Variants in RNF216 observed in about 807,000 individuals in gnomAD.
RNF216 encodes the protein E3 ubiquitin-protein ligase RNF216.
A neutral mutation model predicts 110.8 loss-of-function variants in RNF216; 72 were observed. That is an observed-to-expected ratio of 0.65 (90% CI 0.54 to 0.79). RNF216 has a LOEUF of 0.79. Among genes scored for constraint, RNF216 ranks in the 30% least tolerant of loss-of-function variants. The probability of loss-of-function intolerance (pLI) is 0.00; values close to 1 mark genes in which losing one functional copy is unlikely to be tolerated. For synonymous variants in RNF216, 495 were observed against 407.5 expected (o/e 1.21, Z -2.59); for missense variants, 1,342 against 1,141.2 (o/e 1.18, Z -2.54).
At chr7:5,655,691 G>A (rs540246420) in intron 13 of RNF216, among the ~76,000 whole-genome samples, 1 of 149,670 alleles carries the variant, frequency 6.7e-6, no homozygotes, top group South Asian at 2.1e-4. Context: ...GCAAACACCA[G>A]GCTGGGGAGT....
chr7:5,635,356 C>T (rs1787336148), intron 15 of RNF216, among the ~76,000 whole-genome samples: 2 of 151,562 alleles, frequency 1.3e-5, no homozygotes, highest in South Asian at 2.1e-4. Context: ...CACGCCAAAG[C>T]CAGCTGTGGA....
At chr7:5,711,492 C>T (rs895741093) in intron 13 of RNF216, among the ~76,000 whole-genome samples, 4 of 152,104 alleles carry the variant, frequency 2.6e-5, no homozygotes, top group African/African-American at 9.7e-5. Flanking sequence ...TAAACACTTC[C>T]CACTTTACAT....
intron 9 of RNF216, among the ~76,000 whole-genome samples, chr7:5,719,996 G>A (rs1174527668): frequency 6.6e-6 from 1 of 152,204 alleles, no homozygotes; most frequent in Non-Finnish European, 1.5e-5. Context: ...AATTTTTACT[G>A]CTTTATCAAA....
At chr7:5,724,884 A>G (rs550829602) in intron 8 of RNF216, among the ~76,000 whole-genome samples, 7 of 152,322 alleles carry the variant, frequency 4.6e-5, no homozygotes, top group African/African-American at 1.4e-4. Flanking sequence ...TATTTCATCA[A>G]TAAGAATGAC....
chr7:5,753,986 C>A (rs867856971), intron 2 of RNF216, among the ~76,000 whole-genome samples: 18 of 151,990 alleles, frequency 1.2e-4, no homozygotes, highest in Middle Eastern at 3.4e-3. Context: ...CAGAGTGAGA[C>A]CCCATCTCAA....
chr7:5,634,587 G>A (rs1405472528), intron 15 of RNF216, among the ~76,000 whole-genome samples: 1 of 152,168 alleles, frequency 6.6e-6, no homozygotes, highest in Non-Finnish European at 1.5e-5. Flanking sequence ...CTGGGGAGGA[G>A]CAGAGACTTC....
intron 3 of RNF216, among the ~76,000 whole-genome samples, chr7:5,746,264 G>A (rs1795024169): frequency 1.3e-5 from 2 of 152,172 alleles, no homozygotes; most frequent in East Asian, 3.9e-4. Flanking sequence ...AGTACCTAGG[G>A]TTAATCTGGG....
Position 5,715,049 on chromosome 7 carries a change from T to C in RNF216, c.1833+4A>G. ...ATACATGGGACATATTACACAGTTCTTACCTTTCCAGATCCAAAGACTGCC... is the reference window on the plus strand; with the variant it reads ...ATACATGGGACATATTACACAGTTCCTACCTTTCCAGATCCAAAGACTGCC... On this transcript the variant is annotated splice_donor_region_variant and intron_variant, in intron 11 of 16. Transcript: ENST00000389902. 1.9e-6 allele frequency: 3 copies of C among 1,611,908 alleles called. No homozygotes were observed. Among genetic ancestry groups the C allele is most frequent in the Non-Finnish European group, 1.7e-6 (2 of 1,178,994 alleles).
rs367746074 is a variant in RNF216 at position 5,741,154 on chromosome 7, G to A, written c.863C>T (p.Ser288Phe). The change falls in exon 4 of 17, where the codon TCT (serine) becomes TTT (phenylalanine). Residue 288 changes from serine (S) to phenylalanine (F), a missense_variant. Transcript: ENST00000389902. Reference protein sequence around the residue: ...EPQQGGISGPSSPQPAHPLGE... With the variant: ...EPQQGGISGPFSPQPAHPLGE... ...TAGAGGATGGGCAGGCTGAGGAGAA[G>A]AGGGGCCTGAAATCCCACCTTGCTG... The A allele has an allele frequency of 4.3e-6, 7 of 1,614,036 alleles. No individual in the cohort carries two copies. The African/African-American group carries it at 9.3e-5, about 22-fold the overall frequency.
At chr7:5,736,509 G>A (rs1197098206) in intron 5 of RNF216, among the ~76,000 whole-genome samples, 2 of 152,200 alleles carry the variant, frequency 1.3e-5, no homozygotes, top group African/African-American at 4.8e-5. Flanking sequence ...GCCTCCCAAA[G>A]TGCCGAGATT....
intron 13 of RNF216, among the ~76,000 whole-genome samples, chr7:5,674,971 TG>T (rs1452002189): frequency 6.6e-5 from 10 of 152,226 alleles, no homozygotes; most frequent in African/African-American, 2.2e-4. Flanking sequence ...CACTCCAGCC[TG>T]GGCGACAGAG....
At chr7:5,655,941 C>G (rs1473534713) in intron 13 of RNF216, among the ~76,000 whole-genome samples, 1 of 151,804 alleles carries the variant, frequency 6.6e-6, no homozygotes, top group Non-Finnish European at 1.5e-5. Context: ...ACTGCAACCT[C>G]CACCTCCTGG....
In RNF216 at chr7:5,688,347, T is replaced by C. The variant is rs78714602; in HGVS notation, c.2061+23414A>G. 6.2e-3 allele frequency among the ~76,000 whole-genome samples: 938 copies of C among 152,336 alleles called. 7 individuals carry two copies. Among genetic ancestry groups the C allele is most frequent in the Middle Eastern group, 0.02 (6 of 294 alleles). On this transcript the variant is annotated intron_variant, in intron 13 of 16. Coordinates refer to ENST00000389902, the MANE Select transcript of RNF216 (RefSeq NM_207111.4). ...AAATCATAAACAAGGGGCTGCTCTATTTCAGACAAACCGCATGTCAAAGGA... is the reference window on the plus strand; with the variant it reads ...AAATCATAAACAAGGGGCTGCTCTACTTCAGACAAACCGCATGTCAAAGGA...
chr7:5,700,205 A>G (rs1791877006), intron 13 of RNF216, among the ~76,000 whole-genome samples: 1 of 152,120 alleles, frequency 6.6e-6, no homozygotes, highest in African/African-American at 2.4e-5. Flanking sequence ...CTGAGAATGC[A>G]AAGAGGGAAC....
chr7:5,652,307 T>TG, intron 14 of RNF216, 106 bp downstream of exon 14: 1 of 772,726 alleles, frequency 1.3e-6, no homozygotes, highest in East Asian at 2.5e-5. Context: ...CAGACTGGGG[T>TG]GGCTCAAGCG....
chr7:5,708,203 A>C (rs1156419077), intron 13 of RNF216, among the ~76,000 whole-genome samples: 1 of 152,210 alleles, frequency 6.6e-6, no homozygotes, highest in Non-Finnish European at 1.5e-5. Context: ...GAGGAGAAAA[A>C]GTGTTTTCTG....
At chr7:5,661,295 G>A (rs189224499) in intron 13 of RNF216, among the ~76,000 whole-genome samples, 10 of 151,926 alleles carry the variant, frequency 6.6e-5, no homozygotes, top group South Asian at 4.2e-4. Flanking sequence ...AGTCAGTGGC[G>A]CCAGCATAGC....
At chr7:5,712,438 A>G (rs1275971735) in intron 12 of RNF216, among the ~76,000 whole-genome samples, 1 of 151,164 alleles carries the variant, frequency 6.6e-6, no homozygotes, top group African/African-American at 2.4e-5. Context: ...GCACCACTGT[A>G]CTCCAGCCTG....
At chr7:5,686,925 A>G (rs910915101) in intron 13 of RNF216, among the ~76,000 whole-genome samples, 1 of 152,192 alleles carries the variant, frequency 6.6e-6, no homozygotes, top group African/African-American at 2.4e-5. Context: ...CAGGAGGCAG[A>G]GCTCAGGTCG....
Sources: allele counts gnomAD v4.1 joint callset (sites outside exome capture counted in the v4.1 genomes callset), GRCh38; gene constraint gnomAD v4.1.1; transcripts MANE v1.5; gene names NCBI Gene and HGNC (gene_info 2026-07-23, HGNC 2026-07-21).